The following TTC22 variants were observed in gnomAD, a reference collection of about 807,000 sequenced individuals.
The protein encoded by TTC22 is tetratricopeptide repeat domain 22.
TTC22 carries 42 observed loss-of-function variants against 48.2 expected under a neutral mutation model. The ratio of observed to expected loss-of-function variants is 0.87; its 90% CI spans 0.68 to 1.13. TTC22 has a LOEUF of 1.13. Among genes scored for constraint, TTC22 ranks in the 50% most tolerant of loss-of-function variants. The pLI, the probability that TTC22 is intolerant of heterozygous loss-of-function variation, is 0.00. For synonymous variants in TTC22, 345 were observed against 365.5 expected (o/e 0.94, Z 0.64); for missense variants, 784 against 807.0 (o/e 0.97, Z 0.34).
intron 1 of TTC22, among the ~76,000 whole-genome samples, chr1:54,800,059 T>C (rs1471718683): frequency 2.0e-5 from 3 of 152,174 alleles, no homozygotes; most frequent in Non-Finnish European, 4.4e-5. Flanking sequence ...TTAAGTCAGG[T>C]CCATGCCCTA....
chr1:54,788,820 C>T (rs533139359), intron 1 of TTC22, among the ~76,000 whole-genome samples: 11 of 152,228 alleles, frequency 7.2e-5, no homozygotes, highest in African/African-American at 1.7e-4. Context: ...TCTCTACCCC[C>T]GTCCCCAGCA....
intron 3 of TTC22, chr1:54,787,288 A>G (rs958620322): frequency 1.3e-4 from 71 of 550,552 alleles, no homozygotes; most frequent in African/African-American, 1.3e-3. Flanking sequence ...TCTGTGCTCA[A>G]TGTGTCATCG....
At chr1:54,797,782 T>G (rs190417906) in intron 1 of TTC22, among the ~76,000 whole-genome samples, 14 of 152,366 alleles carry the variant, frequency 9.2e-5, no homozygotes, top group African/African-American at 3.4e-4. Context: ...TTTATTATTA[T>G]TGTTATTATT....
At chr1:54,785,075 C>G in intron 5 of TTC22, 1 of 188,874 alleles carries the variant, frequency 5.3e-6, no homozygotes, top group South Asian at 7.8e-5. Flanking sequence ...CATAACAACT[C>G]CAGTCTACAG....
At chr1:54,789,361 C>G (rs1226181256) in intron 1 of TTC22, among the ~76,000 whole-genome samples, 1 of 152,176 alleles carries the variant, frequency 6.6e-6, no homozygotes. Flanking sequence ...GGAGGGCTCC[C>G]GTGAGCAGAG....
At chr1:54,796,594 G>C (rs1320098054) in intron 1 of TTC22, among the ~76,000 whole-genome samples, 1 of 152,244 alleles carries the variant, frequency 6.6e-6, no homozygotes, top group Non-Finnish European at 1.5e-5. Context: ...CTCAGGGCCT[G>C]CCCTGGTGTG....
At chr1:54,792,877 G>A (rs1387035546) in intron 1 of TTC22, 1 of 152,164 alleles carries the variant, frequency 6.6e-6, no homozygotes, top group Non-Finnish European at 1.5e-5. Flanking sequence ...TCCCCTCCTG[G>A]AGAAGGGAGG....
chr1:54,781,864 T>C (rs1646266167), intron 6 of TTC22, 85 bp from the exon 7 acceptor site: 4 of 1,205,674 alleles, frequency 3.3e-6, no homozygotes, highest in Non-Finnish European at 4.4e-6. Context: ...TAAAAAAAAA[T>C]TCCACTCCTT....
intron 1 of TTC22, among the ~76,000 whole-genome samples, chr1:54,799,891 C>T (rs1646419566): frequency 6.6e-6 from 1 of 152,194 alleles, no homozygotes; most frequent in Non-Finnish European, 1.5e-5. Flanking sequence ...AAGCCTATGA[C>T]ATATGTAACA....
chr1:54,788,125 G>A, intron 1 of TTC22, 28 bp from the exon 2 acceptor site: 1 of 1,609,258 alleles, frequency 6.2e-7, no homozygotes, highest in South Asian at 1.1e-5. Context: ...AGCCCACACT[G>A]CCATTACTGA....
At position 54,800,614 on chromosome 1, in the gene TTC22, G is replaced by C; in HGVS notation, c.550C>G (p.Leu184Val). Residue 184 changes from leucine (L) to valine (V), a missense_variant, in exon 1 of 7, where the codon CTA becomes GTA. Leu to Val is a conservative substitution (Grantham distance 32). Transcript: ENST00000371276. ...AAGIALYDKA[L>V]GYGQQIPMEE... ...TCACCTACCTGCTGCCCGTAGCCTA[G>C]CGCCTTGTCGTAGAGCGCGATGCCT... is the stretch of plus-strand genomic sequence containing the variant. 1 of 1,540,670 alleles carries C rather than the reference G, an allele frequency of 6.5e-7. No homozygotes were observed. The highest frequency in any genetic ancestry group is 8.6e-7 in the Non-Finnish European group (1 of 1,156,684).
At chr1:54,788,011 A>G in intron 2 of TTC22, 31 bp downstream of exon 2, 1 of 1,609,270 alleles carries the variant, frequency 6.2e-7, no homozygotes, top group South Asian at 1.1e-5. Context: ...TCCCTCTTCC[A>G]TCCCGTACCC....
In TTC22 at chr1:54,801,099, G is replaced by A. The variant is rs1159534582; in HGVS notation, c.65C>T (p.Pro22Leu). The A allele has an allele frequency of 1.2e-6, 2 of 1,611,812 alleles. No homozygotes were observed. The highest frequency in any genetic ancestry group is 1.7e-6 in the Non-Finnish European group (2 of 1,179,128). Residue 22 changes from proline to leucine, a missense_variant, in exon 1 of 7, where the codon CCG becomes CTG. Coordinates refer to ENST00000371276, the MANE Select transcript of TTC22 (RefSeq NM_001114108.2). Reference sequence around the variant, plus strand: ...CTGCATCTCCAGGTGAAAGTGGCCCGGGAGGTAGTCCAGGTCGTCGATGAG... The same window carrying A: ...CTGCATCTCCAGGTGAAAGTGGCCCAGGAGGTAGTCCAGGTCGTCGATGAG... Reference protein sequence around the residue: ...DALIDDLDYLPGHFHLEMQLN... With the variant: ...DALIDDLDYLLGHFHLEMQLN...
At chr1:54,793,197 T>C (rs1464128484) in intron 1 of TTC22, 1 of 152,152 alleles carries the variant, frequency 6.6e-6, no homozygotes, top group Non-Finnish European at 1.5e-5. Context: ...GGAGCTTACA[T>C]TAGGCTGCTG....
chr1:54,781,614 C>CGCCCTTGATGCGCAG lies in TTC22; in HGVS notation c.1324_1338dup (p.Leu442_Gly446dup). On this transcript the variant is annotated inframe_insertion, in exon 7 of 7. Coordinates refer to ENST00000371276, the MANE Select transcript of TTC22 (RefSeq NM_001114108.2). ...AAGCAGGCGGCCGCGTTGGCGTCCTCGCCCTTGATGCGCAGGCACTTGCCG... is the reference window on the plus strand; with the variant it reads ...AAGCAGGCGGCCGCGTTGGCGTCCTCGCCCTTGATGCGCAGGCCCTTGATGCGCAGGCACTTGCCG... 2.0e-6 allele frequency: 3 copies of CGCCCTTGATGCGCAG among 1,528,392 alleles called. No individual in the cohort carries two copies. Among genetic ancestry groups the CGCCCTTGATGCGCAG allele is most frequent in the African/African-American group, 1.4e-5 (1 of 72,028 alleles). The allele number at this position is 1,528,392 out of a possible 1,614,324, so 94.7% of individuals were successfully genotyped here.
intron 5 of TTC22, chr1:54,785,116 A>C (rs1056619425): frequency 1.0e-5 from 2 of 194,272 alleles, no homozygotes; most frequent in Non-Finnish European, 2.1e-5. Context: ...AATCTGGGCA[A>C]GAGTATTTTG....
intron 5 of TTC22, among the ~76,000 whole-genome samples, chr1:54,784,311 G>C (rs1328132708): frequency 6.6e-6 from 1 of 152,218 alleles, no homozygotes; most frequent in East Asian, 1.9e-4. Flanking sequence ...ACCATCCTGT[G>C]CTCCTCTAGT....
Position 54,782,406 on chromosome 1 carries a change from G to T in TTC22, c.1092C>A (p.Asn364Lys). 2 of 1,551,466 alleles carry T rather than the reference G, an allele frequency of 1.3e-6. No homozygotes were observed. Among genetic ancestry groups the T allele is most frequent in the Non-Finnish European group, 1.7e-6 (2 of 1,146,902 alleles). ...GGTCAGCCTTGGCACAGGCCAGGTG[G>T]TTCCTGTCAGGCATGCCCCCGAGAC... ...KMGLGGMPDR[N>K]HLACAKADLE... is the part of the protein sequence containing the mutation. Residue 364 changes from asparagine to lysine, a missense_variant, in exon 6 of 7, where the codon AAC becomes AAA. Transcript: ENST00000371276.
chr1:54,794,002 GAAATGC>G (rs1386239475), intron 1 of TTC22, among the ~76,000 whole-genome samples: 1 of 152,212 alleles, frequency 6.6e-6, no homozygotes, highest in Non-Finnish European at 1.5e-5. Context: ...GAATTTGATA[GAAATGC>G]AAATTCTTGA....
Sources: gnomAD v4.1 joint callset for allele counts (sites outside exome capture counted in the v4.1 genomes callset) on GRCh38, gnomAD v4.1.1 for gene constraint, MANE v1.5 for transcripts, NCBI Gene and HGNC (gene_info 2026-07-23, HGNC 2026-07-21) for gene names.